Variants in EPS15L1 observed in about 807,000 individuals in gnomAD.
EPS15L1 encodes epidermal growth factor receptor substrate 15-like 1.
In EPS15L1, 43 loss-of-function variants were observed where a neutral mutation model predicts 117.1. The observed-to-expected ratio is 0.37, with a 90% CI of 0.29 to 0.47. EPS15L1 has a LOEUF of 0.47. Among genes scored for constraint, EPS15L1 ranks in the 20% least tolerant of loss-of-function variants. The pLI is 0.99. For missense variants in EPS15L1, 981 were observed against 1,164.0 expected (o/e 0.84, Z 2.29); for synonymous variants, 459 against 470.5 (o/e 0.98, Z 0.32).
chr19:16,403,007 G>A (rs77110005), intron 15 of EPS15L1, among the ~76,000 whole-genome samples: 1,914 of 152,298 alleles, frequency 0.013, 42 homozygotes, highest in African/African-American at 0.043. Flanking sequence ...ATCTCTGAGC[G>A]GTCCATGCTT....
At chr19:16,377,005 C>A in intron 22 of EPS15L1, 117 bp downstream of exon 22, 1 of 1,333,788 alleles carries the variant, frequency 7.5e-7, no homozygotes. Context: ...CCCTCTTGCT[C>A]CCCACACAGG....
chr19:16,418,221 G>A (rs2092779548), intron 10 of EPS15L1, 117 bp from the exon 11 acceptor site: 1 of 1,173,800 alleles, frequency 8.5e-7, no homozygotes, highest in African/African-American at 1.5e-5. Flanking sequence ...GCAGGGCGTG[G>A]TGGCAAGCCC....
In EPS15L1 at chr19:16,381,699, G is replaced by A. The variant is rs1012170677; in HGVS notation, c.2247+3430C>T. ...GCCTGTCCGAGACATGAGGGGCAGT[G>A]TCGGCCTGCAGCTTAGCTTTAAAAT... On this transcript the variant is annotated intron_variant, in intron 21 of 23. Coordinates refer to ENST00000455140, the MANE Select transcript of EPS15L1 (RefSeq NM_001258374.3). This position sits in a 1 kb window ranked among gnomAD's most constrained non-coding sequence, Gnocchi z 4.2. Among the ~76,000 whole-genome samples the A allele has an allele frequency of 2.0e-5, 3 of 152,218 alleles. No homozygotes were observed. Among genetic ancestry groups the A allele is most frequent in the Non-Finnish European group, 2.9e-5 (2 of 68,044 alleles).
chr19:16,427,143 T>C (rs2092880441), intron 8 of EPS15L1, among the ~76,000 whole-genome samples: 1 of 152,094 alleles, frequency 6.6e-6, no homozygotes, highest in Non-Finnish European at 1.5e-5. Flanking sequence ...TTAGTGACAC[T>C]GGGAAATTTG....
rs1188227048 is a variant in EPS15L1, at chr19:16,356,210, G to GC, written c.2587-360dup. 12 of 302,434 alleles carry GC rather than the reference G, an allele frequency of 4.0e-5. No homozygotes were observed. The Admixed American group carries it at 4.8e-4, about 12-fold the overall frequency. The allele number at this position is 302,434 out of a possible 1,614,324, so 18.7% of individuals were successfully genotyped here. On this transcript the variant is annotated intron_variant, in intron 23 of 23. Coordinates refer to ENST00000455140, the MANE Select transcript of EPS15L1 (RefSeq NM_001258374.3). ...AACTTCCAGCGTGCATGGCTCTAAA[G>GC]CCCCACGGCGCAGACAATTCTGCAC...
Position 16,383,541 on chromosome 19 carries a change from G to T in EPS15L1, c.2247+1588C>A, listed in dbSNP as rs866977013. 1 of 152,238 alleles carries T rather than the reference G, an allele frequency of 6.6e-6. No homozygotes were observed. The highest frequency in any genetic ancestry group is 1.5e-5 in the Non-Finnish European group (1 of 68,060). 9.4% of individuals were successfully genotyped at this position (152,238 alleles called of 1,614,324 possible). A position where few individuals can be genotyped will look rare whatever the true frequency, so the allele number is the denominator to read the frequency against. The stretch of plus-strand genomic sequence containing the variant: ...CTAAATCTTCTGCCAGTCCCAAACC[G>T]TGTCACAGCGTGGCATATGAGGGAT... On this transcript the variant is annotated intron_variant, in intron 21 of 23. Coordinates refer to ENST00000455140, the MANE Select transcript of EPS15L1 (RefSeq NM_001258374.3). The surrounding 1 kb of genome is among the most constrained non-coding windows in gnomAD (Gnocchi z 5.2).
rs550216107 is a variant in EPS15L1 at position 16,375,951 on chromosome 19, C to G, written c.2380+1171G>C. On this transcript the variant is annotated intron_variant, in intron 22 of 23. Transcript: ENST00000455140. The stretch of plus-strand genomic sequence containing the variant: ...GTGCAGGACCGAGGGTCACTCGTAA[C>G]TAGTGAGCTGGGGGCATGCGGAGCC... 3.3e-5 allele frequency among the ~76,000 whole-genome samples: 5 copies of G among 152,326 alleles called. No individual in the cohort carries two copies. The South Asian group carries it at 1.0e-3, about 32-fold the overall frequency.
chr19:16,439,353 G>A (rs116873381), intron 4 of EPS15L1, among the ~76,000 whole-genome samples: 323 of 152,262 alleles, frequency 2.1e-3, no homozygotes, highest in Middle Eastern at 0.01. Context: ...ACTGCATTAA[G>A]CAAAGTCAAA....
chr19:16,398,608 C>T (rs770809136), intron 16 of EPS15L1, among the ~76,000 whole-genome samples: 1 of 152,142 alleles, frequency 6.6e-6, no homozygotes, highest in Non-Finnish European at 1.5e-5. Context: ...GATAAAGCAG[C>T]GAGTTAAGAA....
intron 13 of EPS15L1, chr19:16,413,562 G>C: frequency 1.4e-6 from 1 of 737,154 alleles, no homozygotes; most frequent in Non-Finnish European, 2.3e-6. Flanking sequence ...GGCTCCAGCT[G>C]TGGCTACAAC....
chr19:16,428,274 A>T (rs1444091507), intron 8 of EPS15L1, among the ~76,000 whole-genome samples: 2 of 151,960 alleles, frequency 1.3e-5, no homozygotes, highest in Non-Finnish European at 2.9e-5. Flanking sequence ...GCACTTTGGG[A>T]GGCCGAGGCG....
rs1034917791 is a variant in EPS15L1 at position 16,355,495 on chromosome 19, C to T, written c.*210G>A. On this transcript the variant is annotated 3_prime_UTR_variant, in exon 24 of 24. Coordinates refer to ENST00000455140, the MANE Select transcript of EPS15L1 (RefSeq NM_001258374.3). ...ATGGCACAGTGGAGAGACGGACCTG[C>T]AGAAGTGGTGGCCAAGGCCTCTGTA... The T allele has an allele frequency of 8.5e-6, 5 of 586,552 alleles. No individual in the cohort carries two copies. In the African/African-American group the frequency reaches 9.3e-5, roughly 11 times the overall value. The allele number at this position is 586,552 out of a possible 1,614,324, so 36.3% of individuals were successfully genotyped here.
intron 1 of EPS15L1, among the ~76,000 whole-genome samples, chr19:16,459,514 T>C (rs1208974073): frequency 6.6e-6 from 1 of 151,920 alleles, no homozygotes; most frequent in African/African-American, 2.4e-5. Flanking sequence ...TGCAGGAAGG[T>C]GCAGTTGGTA....
At chr19:16,437,180 T>G in intron 5 of EPS15L1, 181 bp from the exon 6 acceptor site, 2 of 585,542 alleles carry the variant, frequency 3.4e-6, no homozygotes, top group South Asian at 4.2e-5. Context: ...CCAAATGAAT[T>G]AAAAACGGAT....
intron 9 of EPS15L1, among the ~76,000 whole-genome samples, chr19:16,421,810 G>C (rs776605898): frequency 6.6e-6 from 1 of 152,090 alleles, no homozygotes; most frequent in Non-Finnish European, 1.5e-5. Context: ...TGCCAGGAAA[G>C]ACCCTCCCGA....
chr19:16,361,933 G>A lies in EPS15L1; in HGVS notation c.2432C>T (p.Pro811Leu). 6.2e-7 allele frequency: 1 copy of A among 1,614,022 alleles called. No individual in the cohort carries two copies. The highest frequency in any genetic ancestry group is 8.5e-7 in the Non-Finnish European group (1 of 1,179,988). The change falls in exon 23 of 24, where the codon CCC (proline) becomes CTC (leucine). Residue 811 changes from proline to leucine, a missense_variant. Transcript: ENST00000455140. Reference sequence around the variant, plus strand: ...AGCCCCGAGTGGCTGGAATGGATCGGGGGCCTCGGGAAAGTCTGCGGAACC... The same window carrying A: ...AGCCCCGAGTGGCTGGAATGGATCGAGGGCCTCGGGAAAGTCTGCGGAACC... ...QLGSADFPEA[P>L]DPFQPLGADS...
chr19:16,468,307 C>T (rs1286335668), intron 1 of EPS15L1, among the ~76,000 whole-genome samples: 1 of 152,132 alleles, frequency 6.6e-6, no homozygotes, highest in African/African-American at 2.4e-5. Flanking sequence ...AGGGACCCAG[C>T]AAGGTTAGGT....
intron 22 of EPS15L1, among the ~76,000 whole-genome samples, chr19:16,364,613 G>A (rs1340670655): frequency 6.6e-6 from 1 of 152,222 alleles, no homozygotes; most frequent in Non-Finnish European, 1.5e-5. Flanking sequence ...TCCCAGGCAT[G>A]AGCCAATGGT....
chr19:16,362,079 G>T (rs758229065), intron 22 of EPS15L1, 95 bp from the exon 23 acceptor site: 75 of 1,285,562 alleles, frequency 5.8e-5, no homozygotes, highest in Non-Finnish European at 7.2e-5. Flanking sequence ...AGCCCGGGGC[G>T]CTTCTCTGAG....
Sources: gnomAD v4.1 joint callset for allele counts (sites outside exome capture counted in the v4.1 genomes callset) on GRCh38, gnomAD v4.1.1 for gene constraint, Gnocchi (gnomAD v3.1) non-coding constraint, MANE v1.5 for transcripts, NCBI Gene and HGNC (gene_info 2026-07-23, HGNC 2026-07-21) for gene names.